HERC6: variants seen among roughly 807,000 people sequenced by gnomAD.
HERC6 encodes the protein HECT and RLD domain containing E3 ubiquitin protein ligase family member 6, also known as probable E3 ubiquitin-protein ligase HERC6.
Under a neutral mutation model 114.5 loss-of-function variants are expected in HERC6, and 101 were observed. The observed-to-expected ratio is 0.88, with a 90% confidence interval of 0.75 to 1.04. The LOEUF (loss-of-function observed/expected upper bound fraction) is 1.04, where lower values mean the gene tolerates loss of function less well. Ranked by LOEUF, HERC6 falls within the 50% of genes least tolerant of loss-of-function variation. The probability of loss-of-function intolerance (pLI) is 0.00; values close to 1 mark genes in which losing one functional copy is unlikely to be tolerated. For missense variants in HERC6, 1,133 were observed against 1,230.9 expected (o/e 0.92, Z 1.19); for synonymous variants, 408 against 436.2 (o/e 0.94, Z 0.81).
rs1191354608 is a variant in HERC6 at position 88,440,159 on chromosome 4, T to G, written c.2751T>G (p.Tyr917Ter). The change falls in exon 22 of 23, where the codon TAT becomes TAG. Residue 917 changes from tyrosine to a stop codon, truncating the protein, a stop_gained. Coordinates refer to ENST00000264346, the MANE Select transcript of HERC6 (RefSeq NM_017912.4). LOFTEE classifies it high-confidence loss of function. ...DWKQFEQNSK[Y>*]EQGYQKSHPT... is the part of the protein sequence containing the mutation. Reference sequence around the variant, plus strand: ...CTCTTTCTCTCAAGAATTCAAAGTATGAGCAAGGATACCAAAAATCACATC... The same window carrying G: ...CTCTTTCTCTCAAGAATTCAAAGTAGGAGCAAGGATACCAAAAATCACATC... 1.9e-6 allele frequency: 3 copies of G among 1,608,650 alleles called. No homozygotes were observed. The highest frequency in any genetic ancestry group is 2.2e-5 in the South Asian group (2 of 90,382).
intron 13 of HERC6, among the ~76,000 whole-genome samples, chr4:88,421,508 C>T (rs1560559214): frequency 6.7e-6 from 1 of 149,476 alleles, no homozygotes; most frequent in East Asian, 2.0e-4. Context: ...AATGCAGTGG[C>T]AGGATCTCGG....
intron 13 of HERC6, among the ~76,000 whole-genome samples, chr4:88,420,682 A>T (rs1298345425): frequency 2.0e-5 from 3 of 152,200 alleles, no homozygotes; most frequent in Non-Finnish European, 4.4e-5. Context: ...CTGTAATCCC[A>T]GCACTTTGGG....
Position 88,440,063 on chromosome 4 carries a change from T to C in HERC6, c.2739+6T>C. The stretch of plus-strand genomic sequence containing the variant: ...ACTGGAAACAGTTTGAACAGGTAGG[T>C]GATACCTAAAGTGCCCCAATTTTTC... On this transcript the variant is annotated splice_donor_region_variant and intron_variant, in intron 21 of 22. Coordinates refer to ENST00000264346, the MANE Select transcript of HERC6 (RefSeq NM_017912.4). 6.2e-7 allele frequency: 1 copy of C among 1,609,672 alleles called. No homozygotes were observed.
chr4:88,440,537 G>A (rs763611231), intron 22 of HERC6: 1 of 319,822 alleles, frequency 3.1e-6, no homozygotes, highest in African/African-American at 2.1e-5. Context: ...GAGCTAGTGA[G>A]GAGGTGGTGT....
chr4:88,427,866 T>C (rs1363064280), intron 15 of HERC6, among the ~76,000 whole-genome samples: 1 of 152,176 alleles, frequency 6.6e-6, no homozygotes, highest in African/African-American at 2.4e-5. Flanking sequence ...AAAGCAAGGA[T>C]AGCAAGTCCA....
intron 8 of HERC6, among the ~76,000 whole-genome samples, chr4:88,403,174 G>A (rs970274373): frequency 6.6e-6 from 1 of 152,172 alleles, no homozygotes; most frequent in Non-Finnish European, 1.5e-5. Context: ...GGTTCTCAAA[G>A]TGTGATCTCC....
At chr4:88,403,948 A>G (rs1735675480) in intron 8 of HERC6, among the ~76,000 whole-genome samples, 1 of 152,054 alleles carries the variant, frequency 6.6e-6, no homozygotes. Context: ...ACCATTATCC[A>G]TCTCCAAGGC....
intron 3 of HERC6, among the ~76,000 whole-genome samples, chr4:88,389,009 C>A (rs1486901393): frequency 6.6e-6 from 1 of 152,032 alleles, no homozygotes; most frequent in Non-Finnish European, 1.5e-5. Context: ...AGAGTGAGTA[C>A]CTGGGTGGAG....
intron 10 of HERC6, among the ~76,000 whole-genome samples, chr4:88,407,794 A>T (rs1735885222): frequency 6.6e-6 from 1 of 152,218 alleles, no homozygotes; most frequent in South Asian, 2.1e-4. Flanking sequence ...CAACTTGTTG[A>T]TAAGACAGGC....
intron 4 of HERC6, 28 bp downstream of exon 4, chr4:88,390,907 A>G: frequency 1.9e-6 from 3 of 1,562,396 alleles, no homozygotes; most frequent in Non-Finnish European, 2.6e-6. Context: ...TTTGTGCAGT[A>G]AATCATTCTT....
chr4:88,392,329 A>G (rs1029861823), intron 4 of HERC6, among the ~76,000 whole-genome samples: 10 of 150,586 alleles, frequency 6.6e-5, no homozygotes, highest in Middle Eastern at 6.8e-3. Flanking sequence ...TATTTTTTGT[A>G]GTATCAGGCA....
chr4:88,382,160 A>T (rs1300997058), intron 1 of HERC6, among the ~76,000 whole-genome samples: 1 of 152,192 alleles, frequency 6.6e-6, no homozygotes, highest in African/African-American at 2.4e-5. Flanking sequence ...GTTGAAAAAG[A>T]TAAGATTACA....
intron 2 of HERC6, among the ~76,000 whole-genome samples, 200 bp downstream of exon 2, chr4:88,383,580 G>A (rs1327076228): frequency 1.3e-5 from 2 of 151,716 alleles, no homozygotes; most frequent in African/African-American, 2.4e-5. Flanking sequence ...TCAACATGGC[G>A]AAAGCCCCTC....
intron 1 of HERC6, 96 bp downstream of exon 1, chr4:88,379,216 G>A (rs912965494): frequency 2.1e-4 from 226 of 1,061,822 alleles, no homozygotes; most frequent in Non-Finnish European, 2.8e-4. Flanking sequence ...CGGAGCGCTG[G>A]GACCCGGGTG....
chr4:88,404,348 C>T (rs993258866), intron 8 of HERC6, among the ~76,000 whole-genome samples: 11 of 151,888 alleles, frequency 7.2e-5, no homozygotes, highest in Admixed American at 5.2e-4. Context: ...CCACCATGCC[C>T]GGCTAATTTT....
chr4:88,389,841 A>G (rs982319278), intron 3 of HERC6, among the ~76,000 whole-genome samples: 1 of 152,188 alleles, frequency 6.6e-6, no homozygotes. Flanking sequence ...CAGACACAGA[A>G]AGACAAATAC....
intron 11 of HERC6, 65 bp downstream of exon 11, chr4:88,408,682 T>C: frequency 9.5e-7 from 1 of 1,053,074 alleles, no homozygotes; most frequent in Non-Finnish European, 1.4e-6. Context: ...TGTTGGAAGC[T>C]GGGTGAGATG....
At chr4:88,403,110 G>GAT (rs998513204) in intron 8 of HERC6, among the ~76,000 whole-genome samples, 7 of 152,190 alleles carry the variant, frequency 4.6e-5, no homozygotes, top group Admixed American at 1.3e-4. Flanking sequence ...TCCAGACAGT[G>GAT]ATTTTTGAAA....
chr4:88,393,152 G>C (rs1461128239), intron 4 of HERC6, among the ~76,000 whole-genome samples: 1 of 152,190 alleles, frequency 6.6e-6, no homozygotes, highest in South Asian at 2.1e-4. Flanking sequence ...CGGAAGATTA[G>C]ATAGCTTCCA....
Sources: allele counts gnomAD v4.1 joint callset (sites outside exome capture counted in the v4.1 genomes callset), GRCh38; gene constraint gnomAD v4.1.1; transcripts MANE v1.5; gene names NCBI Gene and HGNC (gene_info 2026-07-23, HGNC 2026-07-21).